The following EIF2B3 variants were observed in gnomAD, a reference collection of about 807,000 sequenced individuals.
EIF2B3 encodes eukaryotic translation initiation factor 2B subunit gamma, also known as translation initiation factor eIF2B subunit gamma.
In EIF2B3, 20 loss-of-function variants were observed where a neutral mutation model predicts 54.1. The ratio of observed to expected loss-of-function variants is 0.37; its 90% CI spans 0.26 to 0.54. The LOEUF is 0.54. Ranked by LOEUF, EIF2B3 falls within the 20% of genes least tolerant of loss-of-function variation. The pLI is 0.86. For missense variants in EIF2B3, 448 were observed against 547.8 expected (o/e 0.82, Z 1.82); for synonymous variants, 153 against 188.1 (o/e 0.81, Z 1.52).
intron 4 of EIF2B3, among the ~76,000 whole-genome samples, chr1:44,926,952 T>C (rs1205826065): frequency 6.6e-6 from 1 of 151,380 alleles, no homozygotes; most frequent in Non-Finnish European, 1.5e-5. Flanking sequence ...CTGGCCAACA[T>C]GGCGAAAGAC....
intron 5 of EIF2B3, among the ~76,000 whole-genome samples, chr1:44,902,720 CG>C (rs1299731131): frequency 6.8e-6 from 1 of 146,524 alleles, no homozygotes; most frequent in Non-Finnish European, 1.5e-5. Flanking sequence ...CCCAGCTACT[CG>C]GGTGTCTCAG....
At chr1:44,984,839 G>A (rs1388628071) in intron 1 of EIF2B3, among the ~76,000 whole-genome samples, 1 of 92,914 alleles carries the variant, frequency 1.1e-5, no homozygotes, top group Admixed American at 1.5e-4. Context: ...TCGCTCTGTC[G>A]CCCAGGCCGG....
chr1:44,971,826 T>C (rs1644401766), intron 3 of EIF2B3, among the ~76,000 whole-genome samples: 1 of 147,516 alleles, frequency 6.8e-6, no homozygotes, highest in Non-Finnish European at 1.5e-5. Context: ...AGGTCAGGAG[T>C]TTGAGACCAA....
intron 10 of EIF2B3, among the ~76,000 whole-genome samples, chr1:44,865,091 C>T (rs1339757718): frequency 2.0e-5 from 3 of 152,014 alleles, no homozygotes; most frequent in African/African-American, 7.2e-5. Flanking sequence ...TGGTGGCGCA[C>T]GCCTATAATC....
intron 3 of EIF2B3, among the ~76,000 whole-genome samples, chr1:44,953,542 TA>T (rs1644191719): frequency 6.6e-6 from 1 of 152,196 alleles, no homozygotes. Flanking sequence ...TTTGGGAAGC[TA>T]AGGTGTGCAT....
chr1:44,850,823 T>G lies in EIF2B3; in HGVS notation c.*128A>C. On this transcript the variant is annotated 3_prime_UTR_variant, in exon 12 of 12. Transcript: ENST00000360403. ...CACCTGACATGGAGCTTTGGACTGC[T>G]CCACAAGTCTCCAGCATGCCTTTGG... The G allele has an allele frequency of 9.7e-7, 1 of 1,035,944 alleles. No homozygotes were observed. The highest frequency in any genetic ancestry group is 1.5e-6 in the Non-Finnish European group (1 of 662,848). 64.2% of individuals were successfully genotyped at this position (1,035,944 alleles called of 1,614,324 possible). A position where few individuals can be genotyped will look rare whatever the true frequency, so the allele number is the denominator to read the frequency against.
chr1:44,886,016 A>G (rs1308401515), intron 6 of EIF2B3, among the ~76,000 whole-genome samples: 1 of 149,646 alleles, frequency 6.7e-6, no homozygotes, highest in Non-Finnish European at 1.5e-5. Context: ...AAGTGCTGGG[A>G]TTACAGGCGT....
intron 3 of EIF2B3, among the ~76,000 whole-genome samples, chr1:44,960,550 A>G (rs1350703983): frequency 6.6e-6 from 1 of 151,944 alleles, no homozygotes; most frequent in Non-Finnish European, 1.5e-5. Context: ...GAGGCAGGAG[A>G]ATGGCGTGAA....
chr1:44,906,727 C>T (rs1313316929), intron 5 of EIF2B3, among the ~76,000 whole-genome samples: 1 of 152,172 alleles, frequency 6.6e-6, no homozygotes, highest in Non-Finnish European at 1.5e-5. Context: ...CAACCTAGCT[C>T]AGACATTCCC....
At chr1:44,978,891 C>A (rs1480099227) in intron 2 of EIF2B3, among the ~76,000 whole-genome samples, 1 of 151,620 alleles carries the variant, frequency 6.6e-6, no homozygotes, top group Non-Finnish European at 1.5e-5. Flanking sequence ...CCAGCCTTGG[C>A]CTCCCCAAGT....
Position 44,874,752 on chromosome 1 carries a change from G to A in EIF2B3, c.1128C>T (p.Gly376=). ...CTCTATCTTTTATGAGACAGGATGAGCCAATGACTGAGCGCTTAATGGATG... is the reference window on the plus strand; with the variant it reads ...CTCTATCTTTTATGAGACAGGATGAACCAATGACTGAGCGCTTAATGGATG... ...EKSSIKRSVI[G]SSCLIKDRVT... is the part of the protein sequence containing the mutation. The change falls in exon 10 of 12, where the codon GGC becomes GGT. Residue 376 remains glycine, a synonymous_variant. Coordinates refer to ENST00000360403, the MANE Select transcript of EIF2B3 (RefSeq NM_020365.5). The A allele has an allele frequency of 1.2e-6, 2 of 1,614,150 alleles. No homozygotes were observed. The highest frequency in any genetic ancestry group is 1.7e-6 in the Non-Finnish European group (2 of 1,180,024).
At chr1:44,939,221 C>T (rs987492808) in intron 4 of EIF2B3, among the ~76,000 whole-genome samples, 1 of 151,698 alleles carries the variant, frequency 6.6e-6, no homozygotes, top group Non-Finnish European at 1.5e-5. Flanking sequence ...CTGTTTTGGG[C>T]AAGAATTCAA....
chr1:44,949,540 A>G (rs2148947424), intron 3 of EIF2B3, among the ~76,000 whole-genome samples: 1 of 152,368 alleles, frequency 6.6e-6, no homozygotes, highest in Middle Eastern at 3.4e-3. Flanking sequence ...TTAAATGTTT[A>G]GAAACAGTAT....
In EIF2B3 at chr1:44,979,529, A is replaced by G. The variant is rs571509997; in HGVS notation, c.149-1069T>C. Among the ~76,000 whole-genome samples the G allele has an allele frequency of 2.7e-5, 4 of 147,982 alleles. No homozygotes were observed. The East Asian group carries it at 8.2e-4, about 31-fold the overall frequency. On this transcript the variant is annotated intron_variant, in intron 2 of 11. Coordinates refer to ENST00000360403, the MANE Select transcript of EIF2B3 (RefSeq NM_020365.5). ...AGAAAAATTATCCAGGTGTGGTGGCATGCATGTAGTTGCAGCTACTCAGGA... is the reference window on the plus strand; with the variant it reads ...AGAAAAATTATCCAGGTGTGGTGGCGTGCATGTAGTTGCAGCTACTCAGGA...
At position 44,978,322 on chromosome 1, in the gene EIF2B3, T is replaced by C. The variant is rs1644473604; in HGVS notation, c.287A>G (p.Lys96Arg). ...CAAAAAATTGCTTTTCACCTTAAGTTTTGGATATATGTAGCGCAAAGAATC... is the reference window on the plus strand; with the variant it reads ...CAAAAAATTGCTTTTCACCTTAAGTCTTGGATATATGTAGCGCAAAGAATC... ...TADSLRYIYP[K>R]LKTDVLVLSC... is the part of the protein sequence containing the mutation. Residue 96 changes from lysine (K) to arginine (R), a missense_variant, in exon 3 of 12, where the codon AAA becomes AGA. Lys to Arg is a conservative substitution (Grantham distance 26, BLOSUM62 2). Transcript: ENST00000360403. The C allele has an allele frequency of 6.2e-7, 1 of 1,613,920 alleles. No individual in the cohort carries two copies. Among genetic ancestry groups the C allele is most frequent in the Non-Finnish European group, 8.5e-7 (1 of 1,180,014 alleles).
chr1:44,892,722 C>T (rs911876206), intron 6 of EIF2B3, among the ~76,000 whole-genome samples: 1 of 152,166 alleles, frequency 6.6e-6, no homozygotes, highest in Non-Finnish European at 1.5e-5. Flanking sequence ...AAGGAGACTA[C>T]CTTGATTTAA....
At chr1:44,907,736 A>T (rs1643441268) in intron 5 of EIF2B3, among the ~76,000 whole-genome samples, 1 of 151,792 alleles carries the variant, frequency 6.6e-6, no homozygotes, top group Admixed American at 6.6e-5. Context: ...CCCTGTCTCT[A>T]TTAAAAATAC....
intron 3 of EIF2B3, among the ~76,000 whole-genome samples, chr1:44,960,637 C>CAA (rs201917525): frequency 3.0e-4 from 42 of 141,602 alleles, no homozygotes; most frequent in African/African-American, 1.1e-3. Flanking sequence ...GACCCCGTCT[C>CAA]AAAAAAAAAA....
intron 10 of EIF2B3, among the ~76,000 whole-genome samples, chr1:44,873,546 G>A (rs1655027664): frequency 1.3e-5 from 2 of 152,094 alleles, no homozygotes; most frequent in Admixed American, 6.6e-5. Context: ...CTATTTTGTA[G>A]CTGATCCATA....
Sources: gnomAD v4.1 joint callset for allele counts (sites outside exome capture counted in the v4.1 genomes callset) on GRCh38, gnomAD v4.1.1 for gene constraint, MANE v1.5 for transcripts, NCBI Gene and HGNC (gene_info 2026-07-23, HGNC 2026-07-21) for gene names.